CKAP5: variants seen among roughly 807,000 people sequenced by gnomAD.
CKAP5 encodes the protein cytoskeleton associated protein 5.
CKAP5 carries 27 observed loss-of-function variants against 232.8 expected under a neutral mutation model. That is an observed-to-expected ratio of 0.12 (90% CI 0.09 to 0.16). The LOEUF (loss-of-function observed/expected upper bound fraction) is 0.16, where lower values mean the gene tolerates loss of function less well. Ranked by LOEUF, CKAP5 falls within the 10% of genes least tolerant of loss-of-function variation. CKAP5 has a pLI of 1.00. For synonymous variants in CKAP5, 785 were observed against 841.1 expected (o/e 0.93, Z 1.16); for missense variants, 1,838 against 2,424.7 (o/e 0.76, Z 5.08).
intron 2 of CKAP5, among the ~76,000 whole-genome samples, chr11:46,819,642 AAAAATGTAATTG>A (rs1006644884): frequency 2.6e-5 from 4 of 152,198 alleles, no homozygotes; most frequent in African/African-American, 4.8e-5. Flanking sequence ...TAATGTAAGT[AAAAATGTAATTG>A]AAAATGTAAT....
In CKAP5 at chr11:46,812,203, C is replaced by T. The variant is rs192501501; in HGVS notation, c.459-1025G>A. Among the ~76,000 whole-genome samples the T allele has an allele frequency of 2.8e-3, 426 of 152,044 alleles. 2 individuals are homozygous for T. Among genetic ancestry groups the T allele is most frequent in the African/African-American group, 9.7e-3 (403 of 41,468 alleles). On this transcript the variant is annotated intron_variant, in intron 4 of 43. Coordinates refer to ENST00000529230, the MANE Select transcript of CKAP5 (RefSeq NM_001008938.4). ...AAAATTAGCCAGGCACGATAGTGGG[C>T]GCCTGTAATCCCAGCTACCTGGGAG...
chr11:46,795,672 TGAA>T lies in CKAP5; in HGVS notation c.1569_1571del (p.Ser524del), dbSNP rs767876730. The T allele has an allele frequency of 1.2e-6, 2 of 1,614,180 alleles. No homozygotes were observed. The highest frequency in any genetic ancestry group is 1.7e-6 in the Non-Finnish European group (2 of 1,180,006). On this transcript the variant is annotated inframe_deletion, in exon 13 of 44. Coordinates refer to ENST00000529230, the MANE Select transcript of CKAP5 (RefSeq NM_001008938.4). ...TTGTGTCCTTATCTCCTGCAGCCCC[TGAA>T]GCAGCAGTCCTTCCAGGCAGAGGTT...
At chr11:46,756,491 C>T (rs1485225251) in intron 35 of CKAP5, among the ~76,000 whole-genome samples, 1 of 152,114 alleles carries the variant, frequency 6.6e-6, no homozygotes, top group African/African-American at 2.4e-5. Flanking sequence ...TGTTCCATAC[C>T]CTGATACTTT....
intron 1 of CKAP5, among the ~76,000 whole-genome samples, chr11:46,840,041 G>A (rs1014384143): frequency 2.6e-5 from 4 of 152,068 alleles, no homozygotes; most frequent in Non-Finnish European, 4.4e-5. Flanking sequence ...TGGGAGGACA[G>A]ATTGAGCCCA....
At chr11:46,744,655 A>G in intron 42 of CKAP5, 78 bp from the exon 43 acceptor site, 4 of 1,332,734 alleles carry the variant, frequency 3.0e-6, no homozygotes, top group Admixed American at 4.3e-5. Context: ...ATCTCCCACC[A>G]AAAAGAACAA....
chr11:46,796,258 C>T (rs1433709316), intron 12 of CKAP5, among the ~76,000 whole-genome samples: 1 of 150,958 alleles, frequency 6.6e-6, no homozygotes, highest in Admixed American at 6.6e-5. Context: ...AGTAGATAGA[C>T]ATACGTAAGA....
intron 2 of CKAP5, among the ~76,000 whole-genome samples, chr11:46,820,227 C>A (rs774944939): frequency 2.2e-4 from 34 of 152,046 alleles, no homozygotes; most frequent in Non-Finnish European, 3.7e-4. Flanking sequence ...AATTTCTATG[C>A]GAATTAGAAT....
At chr11:46,808,338 G>A (rs929668238) in intron 7 of CKAP5, among the ~76,000 whole-genome samples, 194 bp from the exon 8 acceptor site, 3 of 152,126 alleles carry the variant, frequency 2.0e-5, no homozygotes, top group African/African-American at 7.2e-5. Flanking sequence ...TCAGGAGATC[G>A]AGACCATCCT....
chr11:46,809,052 A>G (rs1939216709), intron 7 of CKAP5, among the ~76,000 whole-genome samples: 1 of 152,236 alleles, frequency 6.6e-6, no homozygotes, highest in African/African-American at 2.4e-5. Flanking sequence ...CTGACAAAAA[A>G]TGTCAACAGT....
At chr11:46,785,084 C>T (rs897098031) in intron 16 of CKAP5, among the ~76,000 whole-genome samples, 4 of 152,150 alleles carry the variant, frequency 2.6e-5, no homozygotes, top group African/African-American at 9.7e-5. Context: ...CACTACAACC[C>T]TCTTATACAC....
At chr11:46,813,451 T>C (rs1158904623) in intron 4 of CKAP5, among the ~76,000 whole-genome samples, 1 of 152,138 alleles carries the variant, frequency 6.6e-6, no homozygotes, top group Non-Finnish European at 1.5e-5. Flanking sequence ...AATAGACACC[T>C]TAATAAAATA....
chr11:46,764,438 GATACACACATAT>G (rs2065184859), intron 28 of CKAP5, among the ~76,000 whole-genome samples: 2 of 152,072 alleles, frequency 1.3e-5, no homozygotes, highest in Non-Finnish European at 2.9e-5. Context: ...TACAAACAGT[GATACACACATAT>G]ATACACAGAT....
At chr11:46,838,793 CAAAAAAAAA>C (rs71042626) in intron 1 of CKAP5, among the ~76,000 whole-genome samples, 6 of 45,930 alleles carry the variant, frequency 1.3e-4, no homozygotes, top group African/African-American at 3.8e-4. Context: ...GACCCCATCT[CAAAAAAAAA>C]AAAAAAAAAA....
intron 17 of CKAP5, among the ~76,000 whole-genome samples, chr11:46,783,578 A>C (rs1342899490): frequency 6.8e-6 from 1 of 146,000 alleles, no homozygotes; most frequent in African/African-American, 2.6e-5. Flanking sequence ...GCTTTGCAGC[A>C]ATTACTCTGC....
chr11:46,786,632 T>C lies in CKAP5; in HGVS notation c.1969-1959A>G, dbSNP rs546716365. 6.4e-4 allele frequency among the ~76,000 whole-genome samples: 98 copies of C among 152,312 alleles called. 1 individual carries two copies. The highest frequency in any genetic ancestry group is 2.2e-3 in the African/African-American group (92 of 41,572). On this transcript the variant is annotated intron_variant, in intron 16 of 43. Coordinates refer to ENST00000529230, the MANE Select transcript of CKAP5 (RefSeq NM_001008938.4). ...CAAAAACATAAAAGGACCTAGGGAA[T>C]AAGATATCCACAGAGGACTTTGAGA...
At chr11:46,787,262 A>C (rs1338225981) in intron 16 of CKAP5, among the ~76,000 whole-genome samples, 1 of 152,214 alleles carries the variant, frequency 6.6e-6, no homozygotes, top group African/African-American at 2.4e-5. Context: ...TATGTAACAC[A>C]ATGTAAGGGA....
chr11:46,745,517 C>G (rs1240158064), intron 42 of CKAP5, among the ~76,000 whole-genome samples: 1 of 152,170 alleles, frequency 6.6e-6, no homozygotes, highest in Non-Finnish European at 1.5e-5. Flanking sequence ...TGAACATCCC[C>G]AAAAAGGGCT....
At chr11:46,803,882 A>G (rs1010934970) in intron 8 of CKAP5, among the ~76,000 whole-genome samples, 5 of 152,206 alleles carry the variant, frequency 3.3e-5, no homozygotes, top group African/African-American at 7.2e-5. Context: ...TTATCAAAAT[A>G]CCTCTCAGAT....
chr11:46,799,844 C>G (rs1048213764), intron 9 of CKAP5, among the ~76,000 whole-genome samples: 1 of 151,964 alleles, frequency 6.6e-6, no homozygotes, highest in South Asian at 2.1e-4. Flanking sequence ...ACCAAAAATA[C>G]AAAAAGTACT....
Sources: allele counts gnomAD v4.1 joint callset (sites outside exome capture counted in the v4.1 genomes callset), GRCh38; gene constraint gnomAD v4.1.1; transcripts MANE v1.5; gene names NCBI Gene and HGNC (gene_info 2026-07-23, HGNC 2026-07-21).